CUBN: variants seen among roughly 807,000 people sequenced by gnomAD.
CUBN encodes 460 kDa receptor.
In CUBN, 282 loss-of-function variants were observed where a neutral mutation model predicts 405.3. The ratio of observed to expected loss-of-function variants is 0.70; its 90% CI spans 0.63 to 0.77. The LOEUF (loss-of-function observed/expected upper bound fraction) is 0.77. Ranked by LOEUF, CUBN falls within the 30% of genes least tolerant of loss-of-function variation. The pLI is 0.00. For missense variants in CUBN, 4,514 were observed against 4,475.2 expected (o/e 1.01, Z -0.25); for synonymous variants, 1,684 against 1,617.0 (o/e 1.04, Z -0.99).
chr10:16,950,049 C>T lies in CUBN; in HGVS notation c.5032G>A (p.Asp1678Asn). 6.2e-7 allele frequency: 1 copy of T among 1,614,030 alleles called. No homozygotes were observed. Among genetic ancestry groups the T allele is most frequent in the Non-Finnish European group, 8.5e-7 (1 of 1,179,990 alleles). Residue 1678 changes from aspartate to asparagine, a missense_variant, in exon 34 of 67, where the codon GAC becomes AAC. Asp to Asn is a conservative substitution (Grantham distance 23). Transcript: ENST00000377833. ...CCGCCATCCAAAATTTCTACAAAGT[C>T]ACGTGCACACGTTGTGCTTCTTTCA... is the stretch of plus-strand genomic sequence containing the variant. The part of the protein sequence containing the change: ...ELERSTTCAR[D>N]FVEILDGGHE...
At chr10:16,867,264 A>C (rs1840213825) in intron 59 of CUBN, among the ~76,000 whole-genome samples, 1 of 152,210 alleles carries the variant, frequency 6.6e-6, no homozygotes, top group Non-Finnish European at 1.5e-5. Context: ...GAGTTGTTTT[A>C]CATAAATGAG....
chr10:16,927,984 GACTCAGC>G (rs1174559147), intron 41 of CUBN, among the ~76,000 whole-genome samples, 166 bp downstream of exon 41: 1 of 152,160 alleles, frequency 6.6e-6, no homozygotes, highest in Admixed American at 6.5e-5. Context: ...TTTGGATGAG[GACTCAGC>G]ACTGATGTAA....
At chr10:16,870,202 C>G (rs1011898493) in intron 58 of CUBN, among the ~76,000 whole-genome samples, 1 of 152,130 alleles carries the variant, frequency 6.6e-6, no homozygotes, top group African/African-American at 2.4e-5. Flanking sequence ...CCCAGCAATA[C>G]TTTAGTTTTT....
Position 17,071,907 on chromosome 10 carries a change from G to C in CUBN, c.2366C>G (p.Ser789Cys). 1 of 1,613,208 alleles carries C rather than the reference G, an allele frequency of 6.2e-7. No individual in the cohort carries two copies. Among genetic ancestry groups the C allele is most frequent in the Middle Eastern group, 1.7e-4 (1 of 5,840 alleles). The change falls in exon 18 of 67, where the codon TCC becomes TGC. Residue 789 changes from serine (S) to cysteine (C), a missense_variant. Ser to Cys is a moderately radical substitution (Grantham distance 112, BLOSUM62 -1). Transcript: ENST00000377833. ...CGNGTISHIK[S>C]ITNSVWIRFK... ...CCTGATCCAGACACTATTAGTAATGGATTTAATGTGAGAGATGGTTCCGTT... is the reference window on the plus strand; with the variant it reads ...CCTGATCCAGACACTATTAGTAATGCATTTAATGTGAGAGATGGTTCCGTT...
chr10:17,117,536 G>A (rs963285748), intron 6 of CUBN, among the ~76,000 whole-genome samples: 14 of 152,092 alleles, frequency 9.2e-5, no homozygotes, highest in South Asian at 4.1e-4. Context: ...CACCACACCC[G>A]GCTAATTTTT....
chr10:17,017,148 T>G (rs1467832704), intron 28 of CUBN, among the ~76,000 whole-genome samples: 3 of 152,164 alleles, frequency 2.0e-5, no homozygotes, highest in African/African-American at 7.2e-5. Flanking sequence ...AAACTGCCCG[T>G]GCTTTTGGTT....
intron 28 of CUBN, among the ~76,000 whole-genome samples, chr10:17,003,041 A>G (rs1833931979): frequency 6.6e-6 from 1 of 152,228 alleles, no homozygotes; most frequent in Non-Finnish European, 1.5e-5. Context: ...TGAAAAAGCC[A>G]TCATAAACAG....
At chr10:16,953,114 T>C (rs1324480516) in intron 32 of CUBN, among the ~76,000 whole-genome samples, 1 of 152,116 alleles carries the variant, frequency 6.6e-6, no homozygotes, top group East Asian at 1.9e-4. Flanking sequence ...GGGACAGACA[T>C]TGAGCATTCC....
In CUBN at chr10:16,869,633, T is replaced by C; in HGVS notation, c.9454+3A>G. 1.2e-6 allele frequency: 2 copies of C among 1,604,668 alleles called. No homozygotes were observed. The highest frequency in any genetic ancestry group is 2.2e-5 in the South Asian group (2 of 90,870). ...AATAGATTTACAAGTCCAGAATTCT[T>C]ACCCAATGTCTGCCGGAAAGACATC... On this transcript the variant is annotated splice_donor_region_variant and intron_variant, in intron 59 of 66. Transcript: ENST00000377833.
intron 27 of CUBN, among the ~76,000 whole-genome samples, chr10:17,024,573 A>G (rs1834602708): frequency 6.6e-6 from 1 of 152,104 alleles, no homozygotes; most frequent in Admixed American, 6.5e-5. Flanking sequence ...TGGTGCAATA[A>G]GGTTAACTGT....
chr10:16,908,872 CTTTTTTTTTT>C (rs35736503), intron 48 of CUBN, among the ~76,000 whole-genome samples: 1 of 115,418 alleles, frequency 8.7e-6, no homozygotes, highest in East Asian at 2.6e-4. Context: ...GATGTCATCT[CTTTTTTTTTT>C]TTTTTTTTTT....
intron 56 of CUBN, among the ~76,000 whole-genome samples, chr10:16,886,942 C>G (rs1840838427): frequency 6.6e-6 from 1 of 152,190 alleles, no homozygotes; most frequent in Non-Finnish European, 1.5e-5. Flanking sequence ...GCATGTGCCA[C>G]CACACCTGGC....
intron 31 of CUBN, among the ~76,000 whole-genome samples, chr10:16,980,374 A>C (rs1219385821): frequency 6.6e-6 from 1 of 152,242 alleles, no homozygotes; most frequent in Non-Finnish European, 1.5e-5. Context: ...TCATTCTACT[A>C]TAAAGAGAGA....
chr10:17,046,849 A>G (rs894989786), intron 23 of CUBN, among the ~76,000 whole-genome samples: 1 of 152,216 alleles, frequency 6.6e-6, no homozygotes, highest in South Asian at 2.1e-4. Context: ...AAGTAGTGGC[A>G]TGGAGAGATA....
intron 22 of CUBN, among the ~76,000 whole-genome samples, chr10:17,052,403 T>C (rs987195883): frequency 6.6e-6 from 1 of 152,080 alleles, no homozygotes; most frequent in African/African-American, 2.4e-5. Context: ...CTTTTCATTA[T>C]CTCCTTAAAA....
chr10:16,991,446 C>A (rs1314026836), intron 28 of CUBN, among the ~76,000 whole-genome samples: 5 of 152,086 alleles, frequency 3.3e-5, no homozygotes, highest in East Asian at 1.9e-4. Flanking sequence ...GCTCTCAAAT[C>A]GTTTGCAGGA....
chr10:16,883,050 A>T (rs930429968), intron 56 of CUBN, among the ~76,000 whole-genome samples: 8 of 151,766 alleles, frequency 5.3e-5, no homozygotes, highest in Non-Finnish European at 8.8e-5. Context: ...AGGAAAAAGA[A>T]GGAAGGAAGG....
chr10:16,988,683 T>A (rs1396284876), intron 29 of CUBN, among the ~76,000 whole-genome samples: 1 of 152,168 alleles, frequency 6.6e-6, no homozygotes, highest in Non-Finnish European at 1.5e-5. Context: ...GAACTTGTTT[T>A]ATAATTAAAG....
At chr10:16,974,516 C>T (rs986050475) in intron 31 of CUBN, among the ~76,000 whole-genome samples, 17 of 147,974 alleles carry the variant, frequency 1.1e-4, no homozygotes, top group African/African-American at 3.2e-4. Context: ...CTCTGCCTCC[C>T]GAGTTCCCGC....
Sources: gnomAD v4.1 joint callset for allele counts (sites outside exome capture counted in the v4.1 genomes callset) on GRCh38, gnomAD v4.1.1 for gene constraint, MANE v1.5 for transcripts, NCBI Gene and HGNC (gene_info 2026-07-23, HGNC 2026-07-21) for gene names.